PTPRM: variants seen among roughly 807,000 people sequenced by gnomAD.
The protein encoded by PTPRM is protein tyrosine phosphatase receptor type M, also known as receptor-type tyrosine-protein phosphatase mu.
PTPRM carries 47 observed loss-of-function variants against 186.7 expected under a neutral mutation model. The observed-to-expected ratio is 0.25, with a 90% confidence interval of 0.20 to 0.32. The LOEUF is 0.32. Ranked by LOEUF, PTPRM falls within the 10% of genes least tolerant of loss-of-function variation. PTPRM has a pLI of 1.00. For synonymous variants in PTPRM, 668 were observed against 674.9 expected (o/e 0.99, Z 0.16); for missense variants, 1,494 against 1,865.0 (o/e 0.80, Z 3.66).
intron 1 of PTPRM, among the ~76,000 whole-genome samples, chr18:7,720,248 G>T (rs1446075): frequency 6.6e-6 from 1 of 151,916 alleles, no homozygotes; most frequent in Non-Finnish European, 1.5e-5. Flanking sequence ...TAAAATAAAC[G>T]TACAAAAATA....
At chr18:8,399,110 A>G (rs940040428) in intron 32 of PTPRM, among the ~76,000 whole-genome samples, 3 of 152,238 alleles carry the variant, frequency 2.0e-5, no homozygotes, top group Non-Finnish European at 4.4e-5. Context: ...GTAAAATAGA[A>G]CGAGTGCTCC....
chr18:8,352,632 C>CTTTTTTTTTTTTTTGTTTTTTTTTTTTT (rs1568809287), intron 23 of PTPRM, among the ~76,000 whole-genome samples: 2 of 130,460 alleles, frequency 1.5e-5, no homozygotes, highest in African/African-American at 2.8e-5. Context: ...TTTTTCTTTT[C>CTTTTTTTTTTTTTTGTTTTTTTTTTTTT]TTTTTTTTTT....
At chr18:7,684,264 C>G (rs2039545539) in intron 1 of PTPRM, among the ~76,000 whole-genome samples, 1 of 151,244 alleles carries the variant, frequency 6.6e-6, no homozygotes, top group Non-Finnish European at 1.5e-5. Flanking sequence ...CCACTGCACT[C>G]TAGCCTGGGT....
intron 1 of PTPRM, among the ~76,000 whole-genome samples, chr18:7,669,874 CA>C (rs1226597407): frequency 1.3e-5 from 2 of 152,130 alleles, no homozygotes; most frequent in African/African-American, 4.8e-5. Context: ...AAGCACCTGC[CA>C]CCAAGCCCGG....
intron 19 of PTPRM, among the ~76,000 whole-genome samples, chr18:8,294,754 G>A (rs996622764): frequency 6.6e-6 from 1 of 152,176 alleles, no homozygotes; most frequent in African/African-American, 2.4e-5. Flanking sequence ...TCACGACTAA[G>A]GGACCTTAAG....
chr18:7,737,252 C>T (rs1336987923), intron 1 of PTPRM, among the ~76,000 whole-genome samples: 5 of 152,104 alleles, frequency 3.3e-5, no homozygotes, highest in East Asian at 1.9e-4. Context: ...CCCGCCACCA[C>T]GCCCATCTAA....
chr18:7,712,209 G>A (rs2040227941), intron 1 of PTPRM, among the ~76,000 whole-genome samples: 2 of 152,148 alleles, frequency 1.3e-5, no homozygotes, highest in South Asian at 4.1e-4. Context: ...CTGGTACCCA[G>A]GCAAAACAGG....
chr18:8,101,297 G>C (rs1440582766), intron 11 of PTPRM, among the ~76,000 whole-genome samples: 1 of 152,218 alleles, frequency 6.6e-6, no homozygotes, highest in Non-Finnish European at 1.5e-5. Context: ...TGTAAGCAAA[G>C]CAGTCAGGAC....
chr18:7,948,568 A>G (rs73381848), intron 5 of PTPRM, among the ~76,000 whole-genome samples: 1,804 of 152,254 alleles, frequency 0.012, 45 homozygotes, highest in African/African-American at 0.041. Flanking sequence ...TCCTGGGGAT[A>G]TGGGATGTAG....
Position 8,398,769 on chromosome 18 carries a change from CAAA to C in PTPRM, c.4344+4173_4344+4175del, listed in dbSNP as rs199873195. On this transcript the variant is annotated intron_variant, in intron 32 of 32. Coordinates refer to ENST00000580170, the MANE Select transcript of PTPRM (RefSeq NM_001105244.2). Reference sequence around the variant, plus strand: ...TAGGTAACAGAGTGAGACTCCTTCTCAAAAAAAAAAAAAAAAACTATTAATTCA... The same window carrying C: ...TAGGTAACAGAGTGAGACTCCTTCTCAAAAAAAAAAAAAACTATTAATTCA... Among the ~76,000 whole-genome samples the C allele has an allele frequency of 4.2e-3, 350 of 84,090 alleles. 1 individual carries two copies. The highest frequency in any genetic ancestry group is 0.012 in the African/African-American group (335 of 28,622). 55.2% of individuals were successfully genotyped at this position (84,090 alleles called of 152,430 possible).
intron 3 of PTPRM, among the ~76,000 whole-genome samples, chr18:7,898,199 T>C (rs1354057860): frequency 6.6e-6 from 1 of 152,248 alleles, no homozygotes; most frequent in African/African-American, 2.4e-5. Context: ...ATAAAGTTTT[T>C]GTAAATGGGT....
At chr18:7,675,408 A>T (rs1300283018) in intron 1 of PTPRM, among the ~76,000 whole-genome samples, 1 of 152,192 alleles carries the variant, frequency 6.6e-6, no homozygotes, top group East Asian at 1.9e-4. Context: ...GTTCCAGAGC[A>T]CACCACATGA....
At chr18:7,828,053 T>TA (rs143760910) in intron 2 of PTPRM, among the ~76,000 whole-genome samples, 2 of 152,030 alleles carry the variant, frequency 1.3e-5, no homozygotes, top group South Asian at 2.1e-4. Context: ...TTGGGAAGTT[T>TA]AAAAAAAATT....
At chr18:8,000,769 A>G (rs1288796496) in intron 7 of PTPRM, among the ~76,000 whole-genome samples, 1 of 152,198 alleles carries the variant, frequency 6.6e-6, no homozygotes, top group East Asian at 1.9e-4. Flanking sequence ...AAAGAAGAAA[A>G]TCAGTTCTGG....
At chr18:8,335,764 G>A (rs2095435616) in intron 22 of PTPRM, among the ~76,000 whole-genome samples, 1 of 152,188 alleles carries the variant, frequency 6.6e-6, no homozygotes, top group Non-Finnish European at 1.5e-5. Flanking sequence ...GCTCACGCCT[G>A]TAATCCCAGC....
intron 1 of PTPRM, among the ~76,000 whole-genome samples, chr18:7,592,872 C>G (rs1452381808): frequency 6.6e-6 from 1 of 152,102 alleles, no homozygotes; most frequent in African/African-American, 2.4e-5. Context: ...AGCCCTTTGC[C>G]TTGGAGGCCT....
intron 23 of PTPRM, among the ~76,000 whole-genome samples, chr18:8,370,283 C>T (rs2095656267): frequency 6.6e-6 from 1 of 152,068 alleles, no homozygotes. Context: ...ATCAAATGCC[C>T]CTTGCATGCA....
chr18:8,029,656 C>A (rs1008185739), intron 7 of PTPRM, among the ~76,000 whole-genome samples: 1 of 152,198 alleles, frequency 6.6e-6, no homozygotes, highest in East Asian at 1.9e-4. Context: ...AAACATCTGT[C>A]ATTCTCAGCA....
intron 14 of PTPRM, among the ~76,000 whole-genome samples, chr18:8,227,647 ACAT>A (rs987845638): frequency 6.6e-6 from 1 of 152,212 alleles, no homozygotes; most frequent in Non-Finnish European, 1.5e-5. Context: ...AGTTTAACAA[ACAT>A]CATCAAGAGG....
Sources: allele counts gnomAD v4.1 joint callset (sites outside exome capture counted in the v4.1 genomes callset), GRCh38; gene constraint gnomAD v4.1.1; transcripts MANE v1.5; gene names NCBI Gene and HGNC (gene_info 2026-07-23, HGNC 2026-07-21).